Variants in CD96 observed in about 807,000 individuals in gnomAD.
CD96 encodes the protein T-cell surface protein tactile.
CD96 carries 70 observed loss-of-function variants against 71.3 expected under a neutral mutation model. That is an observed-to-expected ratio of 0.98 (90% CI 0.81 to 1.20). The LOEUF (loss-of-function observed/expected upper bound fraction) is 1.20. Ranked by LOEUF, CD96 falls within the 50% of genes most tolerant of loss-of-function variation. The probability of loss-of-function intolerance (pLI) is 0.00; values close to 1 mark genes in which losing one functional copy is unlikely to be tolerated. For synonymous variants in CD96, 248 were observed against 233.0 expected, an observed-to-expected ratio of 1.06 and a Z score of -0.59; for missense variants, 742 against 677.5, an observed-to-expected ratio of 1.10 and a Z score of -1.06.
At chr3:111,638,027 C>A (rs1253167455) in intron 11 of CD96, 52 bp from the exon 12 acceptor site, 3 of 962,858 alleles carry the variant, frequency 3.1e-6, no homozygotes, top group Non-Finnish European at 5.1e-6. Context: ...TGGTTTTATA[C>A]CACTTGATCA....
chr3:111,600,044 C>G (rs1576372238), intron 6 of CD96, among the ~76,000 whole-genome samples: 1 of 152,220 alleles, frequency 6.6e-6, no homozygotes, highest in East Asian at 1.9e-4. Flanking sequence ...AAAGAAGACT[C>G]ACAGGACCCA....
At chr3:111,594,903 C>T (rs1189270703) in intron 5 of CD96, 1 of 167,146 alleles carries the variant, frequency 6.0e-6, no homozygotes, top group Non-Finnish European at 1.5e-5. Context: ...AGGTGTCTCT[C>T]AGAGGCCAGG....
chr3:111,596,179 A>T (rs1351182131), intron 5 of CD96, among the ~76,000 whole-genome samples: 1 of 151,908 alleles, frequency 6.6e-6, no homozygotes, highest in African/African-American at 2.4e-5. Flanking sequence ...TAAATAAATA[A>T]AATGAATAAA....
At chr3:111,617,415 G>A (rs1938296768) in intron 8 of CD96, among the ~76,000 whole-genome samples, 1 of 152,188 alleles carries the variant, frequency 6.6e-6, no homozygotes. Context: ...GCCATCTATG[G>A]ACCAATCACC....
intron 10 of CD96, among the ~76,000 whole-genome samples, chr3:111,625,672 A>C (rs1938716157): frequency 6.6e-6 from 1 of 152,220 alleles, no homozygotes; most frequent in African/African-American, 2.4e-5. Flanking sequence ...AAAACATGGA[A>C]TAAAATAAAT....
chr3:111,656,273 A>G (rs1199898171), downstream of CD96, among the ~76,000 whole-genome samples: 1 of 152,220 alleles, frequency 6.6e-6, no homozygotes, highest in African/African-American at 2.4e-5. Flanking sequence ...TGTATTCATA[A>G]TAAAAGAAAT....
At chr3:111,626,325 A>G (rs966888891) in intron 10 of CD96, among the ~76,000 whole-genome samples, 1 of 151,438 alleles carries the variant, frequency 6.6e-6, no homozygotes. Flanking sequence ...AAAAAAAAAA[A>G]AAAGAAATGC....
chr3:111,587,940 T>C (rs745457572), intron 5 of CD96, among the ~76,000 whole-genome samples: 13 of 152,086 alleles, frequency 8.5e-5, no homozygotes, highest in Non-Finnish European at 1.6e-4. Context: ...CATTTTTTCC[T>C]CCTAAACCTC....
intron 10 of CD96, among the ~76,000 whole-genome samples, chr3:111,631,994 C>T (rs1194052049): frequency 6.6e-6 from 1 of 151,908 alleles, no homozygotes; most frequent in African/African-American, 2.4e-5. Flanking sequence ...GGATTAAAGA[C>T]TTAAACCCAA....
chr3:111,606,978 T>C (rs1368131077), intron 8 of CD96, 186 bp downstream of exon 8: 8 of 653,288 alleles, frequency 1.2e-5, no homozygotes, highest in Non-Finnish European at 1.9e-5. Context: ...CCATTTAAAA[T>C]GTATGATCTA....
chr3:111,567,451 G>T, intron 2 of CD96, 72 bp from the exon 3 acceptor site: 1 of 1,299,066 alleles, frequency 7.7e-7, no homozygotes, highest in Non-Finnish European at 1.1e-6. Context: ...AACTGTTTTT[G>T]TCTCTTTGAT....
chr3:111,562,771 T>G (rs537428724), intron 2 of CD96, among the ~76,000 whole-genome samples: 1 of 152,288 alleles, frequency 6.6e-6, no homozygotes, highest in East Asian at 1.9e-4. Context: ...CTCTTTTGGG[T>G]CTCCCTGACT....
intron 4 of CD96, among the ~76,000 whole-genome samples, chr3:111,581,673 G>T (rs778223905): frequency 1.3e-5 from 2 of 152,132 alleles, no homozygotes; most frequent in East Asian, 3.8e-4. Flanking sequence ...AAATCTGATT[G>T]TCCTCAACCT....
intron 2 of CD96, among the ~76,000 whole-genome samples, chr3:111,566,971 A>G (rs1464866873): frequency 6.6e-6 from 1 of 152,136 alleles, no homozygotes; most frequent in East Asian, 1.9e-4. Flanking sequence ...AATGTAAACT[A>G]TGAACTTTGG....
rs1482018421 is a variant in CD96 at position 111,639,481 on chromosome 3, C to G, written c.1477+1313C>G. Among the ~76,000 whole-genome samples, 2 of 152,176 alleles carry G rather than the reference C, an allele frequency of 1.3e-5. 1 individual carries two copies. The highest frequency in any genetic ancestry group is 2.9e-5 in the Non-Finnish European group (2 of 68,038). On this transcript the variant is annotated intron_variant, in intron 12 of 13. Coordinates refer to ENST00000352690, the MANE Select transcript of CD96 (RefSeq NM_005816.5). Reference sequence around the variant, plus strand: ...CCAACAGCAGTGGCAGCAAGACCTGCCCAAGAAGAATCTGAGCTCAGACAT... The same window carrying G: ...CCAACAGCAGTGGCAGCAAGACCTGGCCAAGAAGAATCTGAGCTCAGACAT...
chr3:111,606,012 A>G (rs1256681266), intron 7 of CD96, among the ~76,000 whole-genome samples: 2 of 152,208 alleles, frequency 1.3e-5, no homozygotes, highest in Non-Finnish European at 2.9e-5. Context: ...TTGTCCTTCC[A>G]ATAGGACTAT....
chr3:111,561,231 G>A (rs1421475893), intron 2 of CD96, among the ~76,000 whole-genome samples: 4 of 148,646 alleles, frequency 2.7e-5, no homozygotes, highest in African/African-American at 9.9e-5. Context: ...TCTCCATCCA[G>A]CTTTGTTCCG....
chr3:111,585,454 G>T (rs529528994), intron 5 of CD96, 76 bp downstream of exon 5: 3 of 951,274 alleles, frequency 3.2e-6, no homozygotes, highest in East Asian at 4.9e-5. Context: ...TGCCAGGAAT[G>T]TTCTCTCAAA....
In CD96 at chr3:111,661,093, G is replaced by A. The variant is rs984415584; in HGVS notation, c.*53-4434G>A. 5.3e-5 allele frequency among the ~76,000 whole-genome samples: 8 copies of A among 152,306 alleles called. No individual in the cohort carries two copies. In the East Asian group the frequency reaches 7.7e-4, roughly 15 times the overall value. ...AGCCTCAGGAAACTTAACAATCATGGCAGAAGGGTGAAGGGGAACCAAGCA... is the reference window on the plus strand; with the variant it reads ...AGCCTCAGGAAACTTAACAATCATGACAGAAGGGTGAAGGGGAACCAAGCA... On this transcript the variant is annotated intron_variant and NMD_transcript_variant, in intron 14 of 14. Coordinates refer to the CD96 transcript ENST00000494798.
Sources: gnomAD v4.1 joint callset for allele counts (sites outside exome capture counted in the v4.1 genomes callset) on GRCh38, gnomAD v4.1.1 for gene constraint, MANE v1.5 for transcripts, NCBI Gene and HGNC (gene_info 2026-07-23, HGNC 2026-07-21) for gene names.